Variants in AFG1L observed in about 807,000 individuals in gnomAD.
AFG1L encodes the protein AFG1 like ATPase, also known as AFG1-like ATPase.
A neutral mutation model predicts 62.2 loss-of-function variants in AFG1L; 53 were observed. The observed-to-expected ratio is 0.85, with a 90% CI of 0.68 to 1.07. The LOEUF (loss-of-function observed/expected upper bound fraction) is 1.07. AFG1L is among the 50% of genes least tolerant of loss of function. The pLI, the probability that AFG1L is intolerant of heterozygous loss-of-function variation, is 0.00. For synonymous variants in AFG1L, 228 were observed against 210.3 expected (o/e 1.08, Z -0.73); for missense variants, 555 against 590.5 (o/e 0.94, Z 0.62).
intron 6 of AFG1L, among the ~76,000 whole-genome samples, chr6:108,396,136 C>G (rs1783422508): frequency 1.3e-5 from 2 of 151,806 alleles, no homozygotes; most frequent in Non-Finnish European, 2.9e-5. Flanking sequence ...GACTTGGCCT[C>G]TCAAAGTGCT....
rs576509105 is a variant in AFG1L, at chr6:108,510,072, A to G, written c.1063-140A>G. 30 of 594,094 alleles carry G rather than the reference A, an allele frequency of 5.0e-5. No homozygotes were observed. The East Asian group carries it at 7.0e-4, about 14-fold the overall frequency. The allele number at this position is 594,094 out of a possible 1,614,324, so 36.8% of individuals were successfully genotyped here. On this transcript the variant is annotated intron_variant, in intron 10 of 12. Transcript: ENST00000368977. Reference sequence around the variant, plus strand: ...ACTGAAGTGCCTAGGGCAACTGCCTATGGGTAACTTGGTCAAGTTACCCAC... The same window carrying G: ...ACTGAAGTGCCTAGGGCAACTGCCTGTGGGTAACTTGGTCAAGTTACCCAC...
intron 11 of AFG1L, among the ~76,000 whole-genome samples, chr6:108,515,426 G>A (rs1296322928): frequency 6.6e-6 from 1 of 152,194 alleles, no homozygotes; most frequent in Non-Finnish European, 1.5e-5. Flanking sequence ...AATGAAGGCA[G>A]AAATAAAGAT....
intron 8 of AFG1L, among the ~76,000 whole-genome samples, chr6:108,476,256 C>A (rs1365519138): frequency 1.3e-5 from 2 of 152,154 alleles, no homozygotes; most frequent in African/African-American, 4.8e-5. Flanking sequence ...CAGTGGGCAT[C>A]ACAGAAGGAG....
intron 8 of AFG1L, among the ~76,000 whole-genome samples, chr6:108,458,905 T>G (rs907690350): frequency 1.3e-5 from 2 of 152,154 alleles, no homozygotes; most frequent in African/African-American, 2.4e-5. Flanking sequence ...TGGGACACAG[T>G]TAAGTTACTT....
At chr6:108,378,546 C>T (rs189095841) in intron 6 of AFG1L, among the ~76,000 whole-genome samples, 81 of 152,144 alleles carry the variant, frequency 5.3e-4, no homozygotes, top group African/African-American at 1.6e-3. Flanking sequence ...CTCGAACTCC[C>T]GACCTCAGGT....
At chr6:108,447,776 A>C (rs1169193082) in intron 8 of AFG1L, among the ~76,000 whole-genome samples, 2 of 152,176 alleles carry the variant, frequency 1.3e-5, no homozygotes, top group African/African-American at 4.8e-5. Context: ...GTCTTTTAAA[A>C]GCTAAGATGC....
At chr6:108,344,589 A>C (rs1312047778) in intron 2 of AFG1L, among the ~76,000 whole-genome samples, 1 of 152,144 alleles carries the variant, frequency 6.6e-6, no homozygotes, top group African/African-American at 2.4e-5. Context: ...CTGTCTCTAA[A>C]ATAAATAAAA....
intron 2 of AFG1L, among the ~76,000 whole-genome samples, chr6:108,336,184 A>C (rs1458726634): frequency 6.6e-6 from 1 of 152,188 alleles, no homozygotes; most frequent in African/African-American, 2.4e-5. Flanking sequence ...AGAATGCTAT[A>C]ATGCCAGTTT....
chr6:108,403,602 G>A (rs942102417), intron 7 of AFG1L, among the ~76,000 whole-genome samples: 5 of 152,026 alleles, frequency 3.3e-5, no homozygotes, highest in Admixed American at 6.6e-5. Context: ...GACTTGCAAC[G>A]TTTTCTCCAT....
intron 7 of AFG1L, among the ~76,000 whole-genome samples, chr6:108,421,594 A>G (rs1225727190): frequency 1.3e-5 from 2 of 152,074 alleles, no homozygotes; most frequent in Non-Finnish European, 2.9e-5. Context: ...TTTTTACATA[A>G]TGGTTGTGAT....
At chr6:108,466,849 G>A (rs556313945) in intron 8 of AFG1L, among the ~76,000 whole-genome samples, 1 of 150,950 alleles carries the variant, frequency 6.6e-6, no homozygotes, top group Admixed American at 6.6e-5. Flanking sequence ...TGTTATGGGA[G>A]CCCTAGCAGA....
At chr6:108,433,220 G>T (rs747845893) in intron 7 of AFG1L, among the ~76,000 whole-genome samples, 1 of 151,946 alleles carries the variant, frequency 6.6e-6, no homozygotes, top group African/African-American at 2.4e-5. Flanking sequence ...TTATTTAATT[G>T]GTCTTCTGAT....
At chr6:108,380,032 C>A (rs67639970) in intron 6 of AFG1L, among the ~76,000 whole-genome samples, 1 of 151,484 alleles carries the variant, frequency 6.6e-6, no homozygotes, top group African/African-American at 2.4e-5. Context: ...AGAGGGCCCC[C>A]GTGCACCAAG....
At chr6:108,409,710 C>T (rs1304924967) in intron 7 of AFG1L, among the ~76,000 whole-genome samples, 2 of 152,018 alleles carry the variant, frequency 1.3e-5, no homozygotes, top group Admixed American at 1.3e-4. Context: ...GAAAAAGCAT[C>T]TTAGAAAAAG....
intron 8 of AFG1L, among the ~76,000 whole-genome samples, chr6:108,451,444 A>T (rs1772050325): frequency 6.6e-6 from 1 of 152,218 alleles, no homozygotes; most frequent in Admixed American, 6.5e-5. Context: ...CACATAAGAC[A>T]TTGCATGTTT....
At chr6:108,403,201 C>G (rs895294748) in intron 7 of AFG1L, among the ~76,000 whole-genome samples, 7 of 151,858 alleles carry the variant, frequency 4.6e-5, no homozygotes, top group Non-Finnish European at 8.8e-5. Context: ...CAAAATTTGC[C>G]AAAATATAAT....
At chr6:108,358,979 A>T (rs761675325) in intron 5 of AFG1L, 1 of 152,284 alleles carries the variant, frequency 6.6e-6, no homozygotes, top group Non-Finnish European at 1.5e-5. Context: ...TGCAGCAGAC[A>T]TAGTGTCTAG....
intron 11 of AFG1L, among the ~76,000 whole-genome samples, chr6:108,512,413 G>T (rs1774690006): frequency 6.6e-6 from 1 of 152,152 alleles, no homozygotes; most frequent in African/African-American, 2.4e-5. Context: ...GAAGGCTGAG[G>T]ACACAGAGCT....
chr6:108,324,512 G>A (rs993063699), intron 2 of AFG1L, among the ~76,000 whole-genome samples: 13 of 152,090 alleles, frequency 8.5e-5, no homozygotes, highest in South Asian at 2.1e-4. Context: ...AGATGCTGAC[G>A]TGCTAGCTCT....
Sources: gnomAD v4.1 joint callset for allele counts (sites outside exome capture counted in the v4.1 genomes callset) on GRCh38, gnomAD v4.1.1 for gene constraint, MANE v1.5 for transcripts, NCBI Gene and HGNC (gene_info 2026-07-23, HGNC 2026-07-21) for gene names.